KAZN: variants seen among roughly 807,000 people sequenced by gnomAD.
The protein encoded by KAZN is kazrin, periplakin interacting protein, also known as kazrin.
A neutral mutation model predicts 87.4 loss-of-function variants in KAZN; 40 were observed. That is an observed-to-expected ratio of 0.46 (90% CI 0.36 to 0.60). KAZN has a LOEUF of 0.60. KAZN is among the 20% of genes least tolerant of loss of function. KAZN has a pLI of 0.00. For missense variants in KAZN, 898 were observed against 1,073.9 expected (o/e 0.84, Z 2.29); for synonymous variants, 466 against 458.3 (o/e 1.02, Z -0.22).
At chr1:14,290,895 T>C (rs1653633904) in intron 2 of KAZN, among the ~76,000 whole-genome samples, 1 of 152,226 alleles carries the variant, frequency 6.6e-6, no homozygotes, top group African/African-American at 2.4e-5. Flanking sequence ...ATATTGGTGC[T>C]ATTCCTTTCT....
intron 2 of KAZN, among the ~76,000 whole-genome samples, chr1:14,502,417 A>G (rs1052758730): frequency 6.6e-6 from 1 of 152,206 alleles, no homozygotes; most frequent in African/African-American, 2.4e-5. Context: ...CAAGCTTACA[A>G]TCCAGCATAT....
At chr1:14,117,172 T>C (rs539004182) in intron 1 of KAZN, among the ~76,000 whole-genome samples, 28 of 152,264 alleles carry the variant, frequency 1.8e-4, no homozygotes, top group Non-Finnish European at 3.4e-4. Flanking sequence ...GGTTTTGATA[T>C]GTGAGGACAT....
At chr1:13,962,483 T>A (rs1402301563) in intron 1 of KAZN, among the ~76,000 whole-genome samples, 1 of 152,124 alleles carries the variant, frequency 6.6e-6, no homozygotes, top group Non-Finnish European at 1.5e-5. Context: ...GGGCCAGGCA[T>A]CCTCAGAGGC....
chr1:14,458,914 T>C (rs1378517165), intron 2 of KAZN, among the ~76,000 whole-genome samples: 1 of 152,154 alleles, frequency 6.6e-6, no homozygotes, highest in South Asian at 2.1e-4. Context: ...ACATCTAACT[T>C]AAAATTGGAC....
chr1:14,637,883 C>T (rs1325383290), intron 1 of KAZN, among the ~76,000 whole-genome samples: 1 of 152,090 alleles, frequency 6.6e-6, no homozygotes, highest in Non-Finnish European at 1.5e-5. Flanking sequence ...TCTCACAGTC[C>T]AGGAGGCCAG....
intron 2 of KAZN, among the ~76,000 whole-genome samples, chr1:14,440,276 A>G (rs1666624042): frequency 6.6e-6 from 1 of 152,158 alleles, no homozygotes; most frequent in African/African-American, 2.4e-5. Flanking sequence ...ACTGCCCGCA[A>G]CTCCTCTCCG....
At chr1:14,618,905 G>A (rs905706771) in intron 1 of KAZN, among the ~76,000 whole-genome samples, 1 of 152,220 alleles carries the variant, frequency 6.6e-6, no homozygotes, top group African/African-American at 2.4e-5. Flanking sequence ...TTGAGTGGAA[G>A]TCTGGAAGGG....
rs1014363012 is a variant in KAZN, at chr1:14,598,746, T to C, written c.-252T>C. ...TCTCGGCGATCGCTGCTCCTCCTCCTCCTTCTCCTCCTCTTTTTTCTCCTC... is the reference window on the plus strand; with the variant it reads ...TCTCGGCGATCGCTGCTCCTCCTCCCCCTTCTCCTCCTCTTTTTTCTCCTC... On this transcript the variant is annotated 5_prime_UTR_variant, in exon 1 of 15. Transcript: ENST00000376030. The surrounding 1 kb of genome is among the most constrained non-coding windows in gnomAD (Gnocchi z 4.2). 2 of 1,335,682 alleles carry C rather than the reference T, an allele frequency of 1.5e-6. No individual in the cohort carries two copies. The highest frequency in any genetic ancestry group is 1.9e-6 in the Non-Finnish European group (2 of 1,052,808). The allele number at this position is 1,335,682 out of a possible 1,614,324, so 82.7% of individuals were successfully genotyped here. A position where few individuals can be genotyped will look rare whatever the true frequency, so the allele number is the denominator to read the frequency against.
chr1:13,966,033 C>T (rs1044949058), intron 1 of KAZN, among the ~76,000 whole-genome samples: 2 of 152,118 alleles, frequency 1.3e-5, no homozygotes, highest in Admixed American at 1.3e-4. Context: ...CAGCACAGTC[C>T]AGGCGGCTCT....
Position 14,301,534 on chromosome 1 carries a change from T to A in KAZN, c.249+120942T>A, listed in dbSNP as rs536428762. ...TACAGGGATCTGTCTGATCTTGTGATTCATGTGAGGCGCTGGCACCCGCCT... is the reference window on the plus strand; with the variant it reads ...TACAGGGATCTGTCTGATCTTGTGAATCATGTGAGGCGCTGGCACCCGCCT... On this transcript the variant is annotated intron_variant, in intron 2 of 16. Transcript: ENST00000636203. Among the ~76,000 whole-genome samples, 8 of 152,306 alleles carry A rather than the reference T, an allele frequency of 5.3e-5. No homozygotes were observed. The East Asian group carries it at 1.5e-3, about 29-fold the overall frequency.
intron 2 of KAZN, among the ~76,000 whole-genome samples, chr1:14,502,584 G>A (rs1336690849): frequency 1.3e-5 from 2 of 152,088 alleles, no homozygotes; most frequent in African/African-American, 4.8e-5. Flanking sequence ...CTACCAAAAT[G>A]TTATCTTCTG....
chr1:14,214,767 A>AT (rs1344912640), intron 2 of KAZN, among the ~76,000 whole-genome samples: 2 of 152,200 alleles, frequency 1.3e-5, no homozygotes, highest in Non-Finnish European at 2.9e-5. Context: ...GTACAAGATG[A>AT]TTTGGATAGT....
chr1:14,694,102 C>T (rs1641471614), intron 1 of KAZN, among the ~76,000 whole-genome samples: 2 of 152,190 alleles, frequency 1.3e-5, no homozygotes, highest in Admixed American at 6.5e-5. Flanking sequence ...CGTTGTTTAT[C>T]GGACTCCCTC....
At chr1:13,974,057 C>T (rs774818629) in intron 1 of KAZN, among the ~76,000 whole-genome samples, 1 of 152,252 alleles carries the variant, frequency 6.6e-6, no homozygotes, top group African/African-American at 2.4e-5. Context: ...CCAGGAGCTT[C>T]GCTCAGGGGA....
At chr1:14,268,871 G>A (rs891084458) in intron 2 of KAZN, among the ~76,000 whole-genome samples, 3 of 152,164 alleles carry the variant, frequency 2.0e-5, no homozygotes, top group Non-Finnish European at 4.4e-5. Flanking sequence ...ATTTAAAAAA[G>A]CAACTTCCAT....
At chr1:14,943,945 A>G (rs1284856445) in intron 1 of KAZN, among the ~76,000 whole-genome samples, 1 of 152,162 alleles carries the variant, frequency 6.6e-6, no homozygotes, top group African/African-American at 2.4e-5. Flanking sequence ...GTGGTGGCGC[A>G]TGCCTGTAAT....
chr1:14,857,041 G>C (rs1265010836), intron 1 of KAZN, among the ~76,000 whole-genome samples: 1 of 152,208 alleles, frequency 6.6e-6, no homozygotes, highest in Non-Finnish European at 1.5e-5. Flanking sequence ...TCAGGGGAGA[G>C]AAGGAAGCCA....
At chr1:14,867,153 T>C (rs547490638) in intron 1 of KAZN, among the ~76,000 whole-genome samples, 1 of 152,334 alleles carries the variant, frequency 6.6e-6, no homozygotes, top group Admixed American at 6.5e-5. Flanking sequence ...GGGCCCTCCC[T>C]GTGCAGGGGA....
At chr1:14,906,788 C>A (rs945439561) in intron 1 of KAZN, among the ~76,000 whole-genome samples, 1 of 150,146 alleles carries the variant, frequency 6.7e-6, no homozygotes, top group African/African-American at 2.5e-5. Context: ...AAAAAACCAC[C>A]CCCAGGCTAC....
Sources: allele counts gnomAD v4.1 joint callset (sites outside exome capture counted in the v4.1 genomes callset), GRCh38; gene constraint gnomAD v4.1.1; non-coding constraint Gnocchi (gnomAD v3.1); transcripts MANE v1.5; gene names NCBI Gene and HGNC (gene_info 2026-07-23, HGNC 2026-07-21).